Variants in WDFY4 observed in about 807,000 individuals in gnomAD.
WDFY4 encodes the protein WDFY family member 4, also known as WD repeat- and FYVE domain-containing protein 4.
WDFY4 carries 169 observed loss-of-function variants against 351.9 expected under a neutral mutation model. The observed-to-expected ratio is 0.48, with a 90% CI of 0.42 to 0.55. The LOEUF (loss-of-function observed/expected upper bound fraction) is 0.55. Ranked by LOEUF, WDFY4 falls within the 20% of genes least tolerant of loss-of-function variation. The probability of loss-of-function intolerance (pLI) is 0.00; values close to 1 mark genes in which losing one functional copy is unlikely to be tolerated. For missense variants in WDFY4, 3,803 were observed against 3,935.6 expected, an observed-to-expected ratio of 0.97 and a Z score of 0.90; for synonymous variants, 1,622 against 1,574.6, an observed-to-expected ratio of 1.03 and a Z score of -0.71.
At chr10:48,865,652 A>G (rs530086385) in intron 39 of WDFY4, among the ~76,000 whole-genome samples, 1 of 152,312 alleles carries the variant, frequency 6.6e-6, no homozygotes, top group Admixed American at 6.5e-5. Context: ...ATTCTTCACT[A>G]AGTGGTGGTT....
chr10:48,749,368 C>A (rs2065111170), intron 12 of WDFY4, among the ~76,000 whole-genome samples: 1 of 151,770 alleles, frequency 6.6e-6, no homozygotes, highest in African/African-American at 2.4e-5. Context: ...ACACACACAC[C>A]ACACTAAACA....
At chr10:48,958,868 TGAG>T (rs1589994241) in intron 52 of WDFY4, among the ~76,000 whole-genome samples, 2 of 151,936 alleles carry the variant, frequency 1.3e-5, no homozygotes, top group East Asian at 1.9e-4. Context: ...AGATGAGTGA[TGAG>T]AAGGGCCAGG....
At chr10:48,751,262 A>T (rs960224282) in intron 12 of WDFY4, among the ~76,000 whole-genome samples, 3 of 152,234 alleles carry the variant, frequency 2.0e-5, no homozygotes, top group African/African-American at 7.2e-5. Flanking sequence ...ACATTTAAAG[A>T]TGAGAGTTAT....
intron 51 of WDFY4, among the ~76,000 whole-genome samples, chr10:48,953,605 A>G (rs1841447089): frequency 6.6e-6 from 1 of 152,178 alleles, no homozygotes; most frequent in Non-Finnish European, 1.5e-5. Flanking sequence ...AGTTGTTTGC[A>G]TGGGTACTTT....
intron 35 of WDFY4, 25 bp from the exon 36 acceptor site, chr10:48,826,646 T>C: frequency 6.6e-7 from 1 of 1,511,906 alleles, no homozygotes; most frequent in African/African-American, 1.4e-5. Flanking sequence ...AGTTTGTGTA[T>C]GTGTATGTTT....
chr10:48,856,182 T>C (rs1005731736), intron 39 of WDFY4, among the ~76,000 whole-genome samples: 1 of 152,156 alleles, frequency 6.6e-6, no homozygotes, highest in African/African-American at 2.4e-5. Flanking sequence ...TGTAGTATGT[T>C]TTGAAATAGA....
At chr10:48,701,755 T>C (rs2063486557) in intron 1 of WDFY4, among the ~76,000 whole-genome samples, 1 of 152,210 alleles carries the variant, frequency 6.6e-6, no homozygotes, top group African/African-American at 2.4e-5. Flanking sequence ...ATGGAACCAC[T>C]CTGAGGCTCT....
chr10:48,752,384 C>CT (rs1298502454), intron 12 of WDFY4, among the ~76,000 whole-genome samples: 1 of 152,194 alleles, frequency 6.6e-6, no homozygotes, highest in African/African-American at 2.4e-5. Flanking sequence ...AAAATCTTAG[C>CT]TTTTTTCACT....
At chr10:48,864,612 CA>C (rs1554794568) in intron 39 of WDFY4, among the ~76,000 whole-genome samples, 1 of 151,498 alleles carries the variant, frequency 6.6e-6, no homozygotes, top group African/African-American at 2.4e-5. Flanking sequence ...TCAATTTTTG[CA>C]AAAAAGAGTG....
rs1462863575 is a variant in WDFY4 at position 48,743,357 on chromosome 10, C to T, written c.2268C>T (p.Leu756=). ...LGTAFSSSGS[L]PPRIQSCLQI... is the part of the protein sequence containing the mutation. ...CTGCCTTTTCCTCCAGCGGCTCACT[C>T]CCACCCCGGATACAGAGCTGCCTCC... Residue 756 remains leucine, a synonymous_variant, in exon 12 of 62, where the codon CTC becomes CTT. Coordinates refer to ENST00000325239, the MANE Select transcript of WDFY4 (RefSeq NM_001394531.1). 3.9e-6 allele frequency: 6 copies of T among 1,551,540 alleles called. No individual in the cohort carries two copies. Among genetic ancestry groups the T allele is most frequent in the Middle Eastern group, 1.7e-4 (1 of 6,014 alleles).
intron 28 of WDFY4, among the ~76,000 whole-genome samples, chr10:48,809,313 CCAT>C (rs1000434770): frequency 2.6e-5 from 4 of 151,022 alleles, no homozygotes; most frequent in Non-Finnish European, 5.9e-5. Context: ...ATCACCATCA[CCAT>C]CATCACCATC....
chr10:48,960,391 G>A (rs1462376542), intron 53 of WDFY4, among the ~76,000 whole-genome samples: 1 of 152,156 alleles, frequency 6.6e-6, no homozygotes, highest in Non-Finnish European at 1.5e-5. Context: ...CACCGGAGTG[G>A]CTTAAATTTA....
intron 47 of WDFY4, among the ~76,000 whole-genome samples, chr10:48,908,052 G>A (rs1181369989): frequency 6.6e-6 from 1 of 152,212 alleles, no homozygotes; most frequent in Admixed American, 6.5e-5. Context: ...CTCAGACCTT[G>A]GCCGTGGCCC....
At chr10:48,903,749 T>A (rs147652352) in intron 47 of WDFY4, among the ~76,000 whole-genome samples, 2 of 150,362 alleles carry the variant, frequency 1.3e-5, no homozygotes, top group East Asian at 3.9e-4. Flanking sequence ...AAAGACATCA[T>A]GGAGCTATTG....
At chr10:48,883,605 A>G (rs1431483509) in intron 43 of WDFY4, among the ~76,000 whole-genome samples, 1 of 152,192 alleles carries the variant, frequency 6.6e-6, no homozygotes, top group Admixed American at 6.5e-5. Flanking sequence ...CTCCTACAAC[A>G]GAGTCCCCAC....
chr10:48,812,018 T>G (rs1051561892), intron 30 of WDFY4, among the ~76,000 whole-genome samples: 9 of 152,096 alleles, frequency 5.9e-5, no homozygotes, highest in African/African-American at 1.9e-4. Flanking sequence ...GGGGTGGCCC[T>G]GCCCCAGCAC....
At position 48,731,201 on chromosome 10, in the gene WDFY4, A is replaced by G. The variant is rs2064447460; in HGVS notation, c.1221A>G (p.Ser407=). Residue 407 remains serine (S), a synonymous_variant, in exon 9 of 62, where the codon TCA becomes TCG. Coordinates refer to ENST00000325239, the MANE Select transcript of WDFY4 (RefSeq NM_001394531.1). The part of the protein sequence containing the change: ...SDSVLCIQVL[S]VIRTMWAWNA... The stretch of plus-strand genomic sequence containing the variant: ...CTGTCCTCTGCATACAAGTCTTGTC[A>G]GTCATCAGGACCATGTGGGCCTGGA... 1 of 1,551,790 alleles carries G rather than the reference A, an allele frequency of 6.4e-7. No individual in the cohort carries two copies. Among genetic ancestry groups the G allele is most frequent in the East Asian group, 2.4e-5 (1 of 40,922 alleles).
intron 13 of WDFY4, among the ~76,000 whole-genome samples, chr10:48,772,190 G>A (rs574368149): frequency 1.2e-4 from 19 of 152,256 alleles, no homozygotes; most frequent in African/African-American, 2.9e-4. Flanking sequence ...GAGGGAAGCC[G>A]GGCAGGGAAA....
intron 47 of WDFY4, chr10:48,935,136 T>G (rs1339898840): frequency 2.6e-5 from 4 of 152,196 alleles, no homozygotes; most frequent in Non-Finnish European, 5.9e-5. Context: ...ACAGTTAAAG[T>G]AAATCGATAA....
Sources: allele counts gnomAD v4.1 joint callset (sites outside exome capture counted in the v4.1 genomes callset), GRCh38; gene constraint gnomAD v4.1.1; transcripts MANE v1.5; gene names NCBI Gene and HGNC (gene_info 2026-07-23, HGNC 2026-07-21).